The following MESD variants were observed in gnomAD, a reference collection of about 807,000 sequenced individuals.
The protein encoded by MESD is mesoderm development LRP chaperone, also known as LRP chaperone MESD.
A neutral mutation model predicts 12.9 loss-of-function variants in MESD; 7 were observed. The ratio of observed to expected loss-of-function variants is 0.54; its 90% confidence interval spans 0.31 to 1.02. MESD has a LOEUF of 1.02. Ranked by LOEUF, MESD falls within the 50% of genes least tolerant of loss-of-function variation. The pLI is 0.05. For missense variants in MESD, 342 were observed against 296.7 expected (o/e 1.15, Z -1.12); for synonymous variants, 126 against 115.6 (o/e 1.09, Z -0.58).
At chr15:80,973,829 G>A (rs1041353409), downstream of MESD, among the ~76,000 whole-genome samples, 2 of 151,570 alleles carry the variant, frequency 1.3e-5, no homozygotes, top group Admixed American at 1.3e-4. Flanking sequence ...TTTAATTACC[G>A]AGTTTTGTGC....
chr15:80,983,045 C>T (rs927615223), intron 1 of MESD, among the ~76,000 whole-genome samples: 5 of 152,040 alleles, frequency 3.3e-5, no homozygotes, highest in Non-Finnish European at 5.9e-5. Flanking sequence ...AATTTGAGAT[C>T]AGCCTGGGCA....
intron 2 of MESD, among the ~76,000 whole-genome samples, chr15:80,980,876 T>C (rs936180812): frequency 1.3e-5 from 2 of 149,746 alleles, no homozygotes; most frequent in African/African-American, 4.9e-5. Flanking sequence ...CAGGCTGGAG[T>C]GCAGTGACGC....
chr15:80,984,046 A>C (rs922790767), intron 1 of MESD, among the ~76,000 whole-genome samples: 3 of 151,792 alleles, frequency 2.0e-5, no homozygotes, highest in Non-Finnish European at 4.4e-5. Context: ...GATTATAGGC[A>C]CGCACCACCA....
chr15:80,972,158 G>T (rs1054799937), downstream of MESD, among the ~76,000 whole-genome samples: 1 of 152,186 alleles, frequency 6.6e-6, no homozygotes, highest in East Asian at 1.9e-4. Flanking sequence ...ATCAGGAAAA[G>T]TTAGAGAGGA....
intron 3 of MESD, among the ~76,000 whole-genome samples, chr15:80,960,419 C>T (rs1596225918): frequency 1.3e-5 from 2 of 149,616 alleles, no homozygotes; most frequent in East Asian, 1.9e-4. Context: ...CCAGTTTGTA[C>T]CTTTCAAGAT....
intron 1 of MESD, among the ~76,000 whole-genome samples, chr15:80,984,447 CTGAT>C (rs1902672851): frequency 6.6e-6 from 1 of 152,230 alleles, no homozygotes; most frequent in Middle Eastern, 3.4e-3. Context: ...AAATGAAGTA[CTGAT>C]TGATACATGA....
chr15:80,947,297 G>A, downstream of MESD: 1 of 509,330 alleles, frequency 2.0e-6, no homozygotes, highest in South Asian at 2.5e-5. Context: ...ACCAGCCACT[G>A]AAAGAAAATT....
At chr15:80,986,680 G>C (rs116316483) in intron 1 of MESD, among the ~76,000 whole-genome samples, 10 of 152,146 alleles carry the variant, frequency 6.6e-5, no homozygotes, top group African/African-American at 2.4e-4. Flanking sequence ...GAGGCAGAGC[G>C]GGGGGCCAGG....
chr15:80,974,979 CAAAG>C (rs1231933714), downstream of MESD, among the ~76,000 whole-genome samples: 15 of 150,980 alleles, frequency 9.9e-5, no homozygotes, highest in Non-Finnish European at 8.9e-5. Flanking sequence ...CCAAAACAAA[CAAAG>C]AAACATAAAA....
At chr15:80,973,395 C>G (rs1902333064), downstream of MESD, among the ~76,000 whole-genome samples, 1 of 151,952 alleles carries the variant, frequency 6.6e-6, no homozygotes, top group East Asian at 1.9e-4. Flanking sequence ...AAAAATTCGC[C>G]GGGTGTAGTG....
intron 2 of MESD, among the ~76,000 whole-genome samples, chr15:80,981,316 A>G (rs185023752): frequency 0.017 from 2,595 of 151,454 alleles, 60 homozygotes; most frequent in African/African-American, 0.061. Context: ...AGGTGCCTGT[A>G]GTCCCAGCTA....
At chr15:80,981,867 C>T (rs1041869618) in intron 2 of MESD, 83 bp downstream of exon 2, 1 of 1,022,284 alleles carries the variant, frequency 9.8e-7, no homozygotes, top group African/African-American at 1.6e-5. Context: ...AAAAAATCAT[C>T]ATCATCATCA....
intron 3 of MESD, chr15:80,970,527 G>C (rs560422239): frequency 6.6e-6 from 1 of 152,342 alleles, no homozygotes; most frequent in South Asian, 2.1e-4. Flanking sequence ...ATAATGGGAA[G>C]TGTTGTACTT....
rs1314040540 is a variant in MESD at position 80,977,637 on chromosome 15, T to G, written c.*1582A>C. ...GGACAGTAACCCCATCAAACTGCCCTGAGTACAACAGAAAAAGCCCACAGA... is the reference window on the plus strand; with the variant it reads ...GGACAGTAACCCCATCAAACTGCCCGGAGTACAACAGAAAAAGCCCACAGA... On this transcript the variant is annotated 3_prime_UTR_variant, in exon 3 of 3. Coordinates refer to ENST00000261758, the MANE Select transcript of MESD (RefSeq NM_015154.3). The G allele has an allele frequency of 6.6e-6, 1 of 152,188 alleles. No homozygotes were observed. Among genetic ancestry groups the G allele is most frequent in the Non-Finnish European group, 1.5e-5 (1 of 68,028 alleles). The allele number at this position is 152,188 out of a possible 1,614,324, so 9.4% of individuals were successfully genotyped here. A position where few individuals can be genotyped will look rare whatever the true frequency, so the allele number is the denominator to read the frequency against.
chr15:80,961,644 C>T (rs1298396187), intron 3 of MESD, among the ~76,000 whole-genome samples: 1 of 152,108 alleles, frequency 6.6e-6, no homozygotes, highest in Non-Finnish European at 1.5e-5. Context: ...CAGAAATGCA[C>T]AAGAATTTGT....
chr15:80,979,315 T>C lies in MESD; in HGVS notation c.609A>G (p.Thr203=). 1.9e-6 allele frequency: 3 copies of C among 1,614,156 alleles called. No individual in the cohort carries two copies. The highest frequency in any genetic ancestry group is 2.5e-6 in the Non-Finnish European group (3 of 1,180,016). The change falls in exon 3 of 3, where the codon ACA becomes ACG. Residue 203 remains threonine (T), a synonymous_variant. Coordinates refer to ENST00000261758, the MANE Select transcript of MESD (RefSeq NM_015154.3). ...KGGGSKEKNK[T]KQDKGKKKKE... ...TCTTTTTTTTGCCCTTGTCTTGCTT[T>C]GTTTTATTTTTCTCTTTGCTTCCTC...
intron 4 of MESD, chr15:80,950,279 G>A (rs1327518006): frequency 6.6e-6 from 1 of 152,336 alleles, no homozygotes; most frequent in Non-Finnish European, 1.5e-5. Context: ...ACAGCTAAGG[G>A]AGGGCCTGGG....
rs1291059655 is a variant in MESD, at chr15:80,982,106, T to C, written c.290A>G (p.Asp97Gly). The C allele has an allele frequency of 1.2e-6, 2 of 1,614,008 alleles. No individual in the cohort carries two copies. The highest frequency in any genetic ancestry group is 1.7e-6 in the Non-Finnish European group (2 of 1,180,032). The change falls in exon 2 of 3, where the codon GAC becomes GGC. Residue 97 changes from aspartate (D) to glycine (G), a missense_variant. Coordinates refer to ENST00000261758, the MANE Select transcript of MESD (RefSeq NM_015154.3). ...CAATATGCTTTCAGGCTTGCTTGGG[T>C]CTATCTTTGAGAAGTCGACAGGTGC... ...PSAPVDFSKI[D>G]PSKPESILKM... is the part of the protein sequence containing the mutation.
chr15:80,988,266 T>C lies in MESD; in HGVS notation c.213+1313A>G, dbSNP rs540204864. Among the ~76,000 whole-genome samples, 101 of 152,364 alleles carry C rather than the reference T, an allele frequency of 6.6e-4. 1 individual carries two copies. In the South Asian group the frequency reaches 0.012, roughly 18 times the overall value. ...AAAATAGGGATAAGTACCTCCCTCA[T>C]GGATGGGGTAAAAGGATTAAATGAG... On this transcript the variant is annotated intron_variant, in intron 1 of 2. Coordinates refer to ENST00000261758, the MANE Select transcript of MESD (RefSeq NM_015154.3).
Sources: allele counts gnomAD v4.1 joint callset (sites outside exome capture counted in the v4.1 genomes callset), GRCh38; gene constraint gnomAD v4.1.1; transcripts MANE v1.5; gene names NCBI Gene and HGNC (gene_info 2026-07-23, HGNC 2026-07-21).